CACNA1D: variants seen among roughly 807,000 people sequenced by gnomAD.
CACNA1D encodes calcium voltage-gated channel subunit alpha1 D, also known as voltage-dependent L-type calcium channel subunit alpha-1D.
CACNA1D carries 55 observed loss-of-function variants against 257.1 expected under a neutral mutation model. The ratio of observed to expected loss-of-function variants is 0.21; its 90% CI spans 0.17 to 0.27. The LOEUF (loss-of-function observed/expected upper bound fraction) is 0.27. Among genes scored for constraint, CACNA1D ranks in the 10% least tolerant of loss-of-function variants. The probability of loss-of-function intolerance (pLI) is 1.00; values close to 1 mark genes in which losing one functional copy is unlikely to be tolerated. For missense variants in CACNA1D, 1,876 were observed against 2,784.0 expected (o/e 0.67, Z 7.34); for synonymous variants, 980 against 1,014.9 (o/e 0.97, Z 0.65).
chr3:53,739,364 A>G (rs1304273049), intron 20 of CACNA1D, among the ~76,000 whole-genome samples: 1 of 152,208 alleles, frequency 6.6e-6, no homozygotes, highest in Non-Finnish European at 1.5e-5. Context: ...TCAGTGGCCA[A>G]GACCAACTCG....
chr3:53,740,492 C>T, intron 21 of CACNA1D, 153 bp downstream of exon 21: 3 of 687,384 alleles, frequency 4.4e-6, no homozygotes, highest in Admixed American at 2.0e-5. Context: ...ACAGGTTACC[C>T]GGCAGTGTGT....
chr3:53,646,380 C>G (rs1393215542), intron 3 of CACNA1D, among the ~76,000 whole-genome samples: 1 of 152,148 alleles, frequency 6.6e-6, no homozygotes, highest in African/African-American at 2.4e-5. Flanking sequence ...CATATGTATC[C>G]TGTTTTTTGT....
intron 40 of CACNA1D, among the ~76,000 whole-genome samples, chr3:53,798,518 C>T (rs112928732): frequency 1.3e-5 from 2 of 152,290 alleles, no homozygotes; most frequent in African/African-American, 4.8e-5. Context: ...CCTATAAGAT[C>T]TCAGCATTCC....
At chr3:53,534,565 C>T (rs1192995925) in intron 3 of CACNA1D, among the ~76,000 whole-genome samples, 3 of 152,126 alleles carry the variant, frequency 2.0e-5, no homozygotes, top group East Asian at 1.9e-4. Flanking sequence ...GACATACTGG[C>T]GTTTCAGGAC....
intron 30 of CACNA1D, among the ~76,000 whole-genome samples, chr3:53,769,598 C>G (rs1313191862): frequency 3.3e-5 from 5 of 152,244 alleles, no homozygotes; most frequent in Admixed American, 1.3e-4. Flanking sequence ...GGCTAGGAGG[C>G]CTGCTGCAGA....
chr3:53,735,607 A>G, intron 20 of CACNA1D, 104 bp downstream of exon 20: 1 of 1,299,122 alleles, frequency 7.7e-7, no homozygotes, highest in Non-Finnish European at 1.1e-6. Context: ...TGACAGCTAG[A>G]GTAGGTCTTT....
At chr3:53,808,855 T>A in intron 46 of CACNA1D, 85 bp downstream of exon 46, 1 of 1,414,376 alleles carries the variant, frequency 7.1e-7, no homozygotes, top group Non-Finnish European at 9.8e-7. Flanking sequence ...TCCTTGGCCT[T>A]AAGCACCAGG....
intron 3 of CACNA1D, among the ~76,000 whole-genome samples, chr3:53,618,465 G>C (rs1238750783): frequency 6.6e-6 from 1 of 152,154 alleles, no homozygotes; most frequent in Non-Finnish European, 1.5e-5. Context: ...ACCACAGCTC[G>C]CGGTCTGTCC....
intron 22 of CACNA1D, among the ~76,000 whole-genome samples, chr3:53,743,859 C>G (rs1180371002): frequency 3.3e-5 from 5 of 151,958 alleles, no homozygotes; most frequent in Non-Finnish European, 4.4e-5. Context: ...GTGGAAAGGA[C>G]CTGCCCTCCT....
At chr3:53,560,802 G>A (rs191549376) in intron 3 of CACNA1D, among the ~76,000 whole-genome samples, 8 of 152,112 alleles carry the variant, frequency 5.3e-5, no homozygotes, top group East Asian at 1.9e-4. Flanking sequence ...GCCAGATTTC[G>A]CCCATGGGCC....
intron 28 of CACNA1D, among the ~76,000 whole-genome samples, chr3:53,752,348 T>A (rs576442849): frequency 6.6e-6 from 1 of 152,292 alleles, no homozygotes; most frequent in African/African-American, 2.4e-5. Flanking sequence ...CACACCTACG[T>A]TAGAGATAAG....
chr3:53,773,752 G>A (rs746507098), intron 33 of CACNA1D: 3 of 151,738 alleles, frequency 2.0e-5, no homozygotes, highest in Non-Finnish European at 2.9e-5. Context: ...TGAAACAAAA[G>A]TCAGCATACT....
intron 3 of CACNA1D, among the ~76,000 whole-genome samples, chr3:53,564,125 T>C (rs762587992): frequency 1.3e-5 from 2 of 152,220 alleles, no homozygotes; most frequent in Non-Finnish European, 2.9e-5. Flanking sequence ...TTTCCCTTTT[T>C]GTGAAGTGTC....
At chr3:53,519,021 C>T (rs1216559893) in intron 3 of CACNA1D, among the ~76,000 whole-genome samples, 1 of 152,164 alleles carries the variant, frequency 6.6e-6, no homozygotes, top group Non-Finnish European at 1.5e-5. Context: ...AGCCTTTGGC[C>T]CCAGGAAAAT....
Position 53,774,728 on chromosome 3 carries a change from G to A in CACNA1D, c.4202+50G>A. 9.4e-7 allele frequency: 1 copy of A among 1,063,898 alleles called. No homozygotes were observed. The highest frequency in any genetic ancestry group is 1.2e-5 in the South Asian group (1 of 80,178). The allele number at this position is 1,063,898 out of a possible 1,614,324, so 65.9% of individuals were successfully genotyped here. A position where few individuals can be genotyped will look rare whatever the true frequency, so the allele number is the denominator to read the frequency against. On this transcript the variant is annotated intron_variant, in intron 34 of 47. Coordinates refer to ENST00000350061, the MANE Select transcript of CACNA1D (RefSeq NM_001128840.3). The surrounding 1 kb of genome is among the most constrained non-coding windows in gnomAD (Gnocchi z 4.3). ...GCTCCTGGGCAGGGGGGTCCGCTAG[G>A]CGTGGGTCCAGAGGGACGGAGGACA...
chr3:53,721,818 A>C (rs547279681), intron 11 of CACNA1D, among the ~76,000 whole-genome samples: 42 of 152,144 alleles, frequency 2.8e-4, no homozygotes, highest in Admixed American at 9.2e-4. Flanking sequence ...AAAAAAAAAA[A>C]AACTAGCTTT....
At chr3:53,634,611 T>A (rs922728219) in intron 3 of CACNA1D, among the ~76,000 whole-genome samples, 3 of 152,176 alleles carry the variant, frequency 2.0e-5, no homozygotes, top group African/African-American at 7.2e-5. Context: ...CCTCCAGCCT[T>A]TGGTTTTTAA....
Position 53,800,664 on chromosome 3 carries a change from C to T in CACNA1D, c.5040+299C>T. On this transcript the variant is annotated intron_variant, in intron 41 of 47. Transcript: ENST00000350061. The surrounding 1 kb of genome is among the most constrained non-coding windows in gnomAD (Gnocchi z 4.3). Reference sequence around the variant, plus strand: ...TGAGCATCCTGAGTCCTTCCGGCAGCTGCCTTTGCTACCCTCCTCCTTCCC... The same window carrying T: ...TGAGCATCCTGAGTCCTTCCGGCAGTTGCCTTTGCTACCCTCCTCCTTCCC... The T allele has an allele frequency of 2.0e-6, 1 of 503,020 alleles. No homozygotes were observed. Among genetic ancestry groups the T allele is most frequent in the Non-Finnish European group, 3.6e-6 (1 of 276,048 alleles). The allele number at this position is 503,020 out of a possible 1,614,324, so 31.2% of individuals were successfully genotyped here. A position where few individuals can be genotyped will look rare whatever the true frequency, so the allele number is the denominator to read the frequency against.
intron 45 of CACNA1D, 98 bp downstream of exon 45, chr3:53,805,244 C>A: frequency 8.4e-7 from 1 of 1,190,056 alleles, no homozygotes; most frequent in Non-Finnish European, 1.2e-6. Flanking sequence ...TGTGTGCTGC[C>A]AGGTCAGGAT....
Sources: allele counts gnomAD v4.1 joint callset (sites outside exome capture counted in the v4.1 genomes callset), GRCh38; gene constraint gnomAD v4.1.1; non-coding constraint Gnocchi (gnomAD v3.1); transcripts MANE v1.5; gene names NCBI Gene and HGNC (gene_info 2026-07-23, HGNC 2026-07-21).